PPFIA2: variants seen among roughly 807,000 people sequenced by gnomAD.
PPFIA2 encodes the protein liprin-alpha-2.
Under a neutral mutation model 175.5 loss-of-function variants are expected in PPFIA2, and 46 were observed. The observed-to-expected ratio is 0.26, with a 90% CI of 0.21 to 0.34. PPFIA2 has a LOEUF of 0.34. Ranked by LOEUF, PPFIA2 falls within the 10% of genes least tolerant of loss-of-function variation. The probability of loss-of-function intolerance (pLI) is 1.00; values close to 1 mark genes in which losing one functional copy is unlikely to be tolerated. For synonymous variants in PPFIA2, 568 were observed against 511.4 expected, an observed-to-expected ratio of 1.11 and a Z score of -1.49; for missense variants, 1,179 against 1,506.1, an observed-to-expected ratio of 0.78 and a Z score of 3.60.
At chr12:81,570,514 C>T in intron 4 of PPFIA2, among the ~76,000 whole-genome samples, 1 of 152,154 alleles carries the variant, frequency 6.6e-6, no homozygotes, top group South Asian at 2.1e-4. Flanking sequence ...GTATAATATA[C>T]ATGACTCTTT....
At position 81,368,810 on chromosome 12, in the gene PPFIA2, G is replaced by A. The variant is rs1481964682; in HGVS notation, c.1397C>T (p.Ser466Leu). 1.2e-6 allele frequency: 2 copies of A among 1,610,632 alleles called. No individual in the cohort carries two copies. The highest frequency in any genetic ancestry group is 1.3e-5 in the African/African-American group (1 of 74,816). Reference sequence around the variant, plus strand: ...AGTCAGAAGTCTATCAACCGTATCCGATAATCTCTTGTTATGCTCCTCATT... The same window carrying A: ...AGTCAGAAGTCTATCAACCGTATCCAATAATCTCTTGTTATGCTCCTCATT... The part of the protein sequence containing the change: ...KMNEEHNKRL[S>L]DTVDRLLTES... The change falls in exon 13 of 33, where the codon TCG (serine) becomes TTG (leucine). Residue 466 changes from serine to leucine, a missense_variant. By Grantham distance (145) the Ser-to-Leu change is moderately radical. This residue lies in a region of PPFIA2 where 66 missense variants were observed against 129.4 expected (regional missense o/e 0.51). Coordinates refer to ENST00000549396, the MANE Select transcript of PPFIA2 (RefSeq NM_003625.5).
chr12:81,586,843 C>CAAT lies in PPFIA2; in HGVS notation c.303+89945_303+89947dup, dbSNP rs1194553363. On this transcript the variant is annotated intron_variant, in intron 4 of 32. Transcript: ENST00000549396. ...ACATTTCTCTAAATTTAAGATAAGCCAATAAAAAGATTATTTGTAATCTTG... is the reference window on the plus strand; with the variant it reads ...ACATTTCTCTAAATTTAAGATAAGCCAATAATAAAAAGATTATTTGTAATCTTG... Among the ~76,000 whole-genome samples, 3 of 151,554 alleles carry CAAT rather than the reference C, an allele frequency of 2.0e-5. No homozygotes were observed. In the Admixed American group the frequency reaches 2.0e-4, roughly 10 times the overall value.
intron 27 of PPFIA2, among the ~76,000 whole-genome samples, chr12:81,278,979 C>T (rs1307004267): frequency 6.6e-6 from 1 of 152,076 alleles, no homozygotes; most frequent in Non-Finnish European, 1.5e-5. Context: ...TTGCATTAGG[C>T]AGGTGTTGTG....
intron 22 of PPFIA2, among the ~76,000 whole-genome samples, chr12:81,316,075 T>C (rs2052281046): frequency 1.3e-5 from 2 of 151,612 alleles, no homozygotes; most frequent in South Asian, 4.1e-4. Context: ...TTTAATTTTA[T>C]GTTTGTGTGT....
intron 28 of PPFIA2, chr12:81,270,781 A>G (rs781752329): frequency 6.6e-6 from 1 of 152,192 alleles, no homozygotes. Flanking sequence ...AAACTAATAC[A>G]TGGGGTGTCT....
intron 4 of PPFIA2, among the ~76,000 whole-genome samples, chr12:81,467,120 A>G (rs1362197720): frequency 1.3e-5 from 2 of 152,008 alleles, no homozygotes; most frequent in African/African-American, 2.4e-5. Flanking sequence ...AATAATAAAA[A>G]AGAGAGAGTT....
At chr12:81,377,555 GA>G (rs796615939) in intron 9 of PPFIA2, among the ~76,000 whole-genome samples, 142 of 131,326 alleles carry the variant, frequency 1.1e-3, no homozygotes, top group Middle Eastern at 3.8e-3. Context: ...TCCATTTCAA[GA>G]AAAAAAAAAA....
intron 5 of PPFIA2, among the ~76,000 whole-genome samples, chr12:81,446,767 T>C (rs1272877523): frequency 6.6e-6 from 1 of 152,236 alleles, no homozygotes; most frequent in Non-Finnish European, 1.5e-5. Flanking sequence ...ACTTTATTTT[T>C]TTCTTTTCAA....
At chr12:81,264,516 T>C (rs2036614528) in intron 30 of PPFIA2, among the ~76,000 whole-genome samples, 1 of 152,178 alleles carries the variant, frequency 6.6e-6, no homozygotes, top group Admixed American at 6.5e-5. Context: ...TTGTGTATCC[T>C]AATATCTCAT....
At chr12:81,559,810 T>TG (rs941406596) in intron 4 of PPFIA2, among the ~76,000 whole-genome samples, 5 of 151,552 alleles carry the variant, frequency 3.3e-5, no homozygotes, top group African/African-American at 1.2e-4. Flanking sequence ...AGTTGTTTTT[T>TG]TTTTTGTTGT....
intron 4 of PPFIA2, among the ~76,000 whole-genome samples, chr12:81,510,266 C>A (rs779098415): frequency 2.4e-4 from 36 of 151,958 alleles, no homozygotes; most frequent in Non-Finnish European, 3.5e-4. Context: ...TGTGTGAGCT[C>A]CAATCACACT....
At chr12:81,437,266 G>A (rs1412810072) in intron 7 of PPFIA2, among the ~76,000 whole-genome samples, 2 of 152,114 alleles carry the variant, frequency 1.3e-5, no homozygotes, top group East Asian at 1.9e-4. Context: ...GTCTGGCTGT[G>A]TTGCCTAGGC....
intron 8 of PPFIA2, among the ~76,000 whole-genome samples, chr12:81,387,602 G>C (rs2039267485): frequency 6.6e-6 from 1 of 152,094 alleles, no homozygotes; most frequent in Non-Finnish European, 1.5e-5. Flanking sequence ...TTGACTAGAG[G>C]AATTTCTCAA....
At chr12:81,677,274 TGTAA>T (rs1337015746) in intron 3 of PPFIA2, among the ~76,000 whole-genome samples, 1 of 151,994 alleles carries the variant, frequency 6.6e-6, no homozygotes, top group Non-Finnish European at 1.5e-5. Context: ...GATATTTTGA[TGTAA>T]GTATTTGATG....
intron 3 of PPFIA2, among the ~76,000 whole-genome samples, chr12:81,742,766 C>A (rs1215322431): frequency 6.6e-6 from 1 of 151,980 alleles, no homozygotes; most frequent in Non-Finnish European, 1.5e-5. Flanking sequence ...ATTAAGATGC[C>A]AGGAAGATGG....
chr12:81,329,020 T>C (rs1156551980), intron 21 of PPFIA2, among the ~76,000 whole-genome samples: 2 of 151,960 alleles, frequency 1.3e-5, no homozygotes, highest in Admixed American at 6.6e-5. Context: ...CTTAGGCAGG[T>C]CTTCAACTGC....
At chr12:81,695,918 C>A (rs1327750548) in intron 3 of PPFIA2, among the ~76,000 whole-genome samples, 2 of 152,032 alleles carry the variant, frequency 1.3e-5, no homozygotes, top group Admixed American at 6.6e-5. Flanking sequence ...TAAGCAGTAT[C>A]CCCCCAAAAT....
rs1334068069 is a variant in PPFIA2, at chr12:81,503,127, G to A, written c.304-45261C>T. ...AATAACACTTCTTTCTCTCTGATGA[G>A]TCCTTTCTGCCTCTCCCTCCCACTG... On this transcript the variant is annotated intron_variant, in intron 4 of 32. Transcript: ENST00000549396. Among the ~76,000 whole-genome samples, 4 of 152,238 alleles carry A rather than the reference G, an allele frequency of 2.6e-5. No individual in the cohort carries two copies. In the South Asian group the frequency reaches 8.3e-4, roughly 32 times the overall value.
At position 81,258,852 on chromosome 12, in the gene PPFIA2, GT is replaced by G. The variant is rs936920299; in HGVS notation, c.*841del. ...TGAACATGTGGTTCTTAGTAAAGAA[GT>G]TTTTTTATCTTTTTTTTTTTCTTGG... On this transcript the variant is annotated 3_prime_UTR_variant, in exon 33 of 33. Transcript: ENST00000549396. 1.3e-3 allele frequency: 195 copies of G among 151,054 alleles called. No homozygotes were observed. Among genetic ancestry groups the G allele is most frequent in the African/African-American group, 4.4e-3 (181 of 40,750 alleles). The allele number at this position is 151,054 out of a possible 1,614,324, so 9.4% of individuals were successfully genotyped here.
Sources: gnomAD v4.1 joint callset for allele counts (sites outside exome capture counted in the v4.1 genomes callset) on GRCh38, gnomAD v4.1.1 for gene constraint, gnomAD v4.1.1 regional missense constraint, MANE v1.5 for transcripts, NCBI Gene and HGNC (gene_info 2026-07-23, HGNC 2026-07-21) for gene names.